PLXNA2: variants seen among roughly 807,000 people sequenced by gnomAD.
PLXNA2 encodes the protein plexin A2, also known as plexin-A2.
A neutral mutation model predicts 193.5 loss-of-function variants in PLXNA2; 91 were observed. That is an observed-to-expected ratio of 0.47 (90% CI 0.40 to 0.56). The LOEUF (loss-of-function observed/expected upper bound fraction) is 0.56, where lower values mean the gene tolerates loss of function less well. PLXNA2 is among the 20% of genes least tolerant of loss of function. The pLI is 0.00. For missense variants in PLXNA2, 1,995 were observed against 2,503.2 expected (o/e 0.80, Z 4.33); for synonymous variants, 997 against 1,027.3 (o/e 0.97, Z 0.56).
Position 208,217,726 on chromosome 1 carries a change from GC to G in PLXNA2, c.196del (p.Ala66ProfsTer8). Reference protein sequence around the residue: ...HQGTGAVYVGAINRVYKLTGN... With the variant: ...HQGTGAVYVGXINRVYKLTGN... ...TGTCAGCTTATAGACCCGGTTGATG[GC>G]CCCCACATAGACGGCCCCCGTCCCT... On this transcript the variant is annotated frameshift_variant, in exon 2 of 32. Coordinates refer to ENST00000367033, the MANE Select transcript of PLXNA2 (RefSeq NM_025179.4). LOFTEE classifies it high-confidence loss of function. This position sits in a 1 kb window ranked among gnomAD's most constrained non-coding sequence, Gnocchi z 4.7. 1 of 1,614,186 alleles carries G rather than the reference GC, an allele frequency of 6.2e-7. No homozygotes were observed. The highest frequency in any genetic ancestry group is 8.5e-7 in the Non-Finnish European group (1 of 1,180,032).
intron 3 of PLXNA2, among the ~76,000 whole-genome samples, chr1:208,143,811 AC>A (rs1668528397): frequency 6.6e-6 from 1 of 152,042 alleles, no homozygotes; most frequent in Non-Finnish European, 1.5e-5. Context: ...TGTATTGACT[AC>A]CTACTCGAAT....
chr1:208,240,196 G>C (rs1354771141), intron 1 of PLXNA2, among the ~76,000 whole-genome samples: 1 of 152,168 alleles, frequency 6.6e-6, no homozygotes, highest in Non-Finnish European at 1.5e-5. Flanking sequence ...CTCTATTTAT[G>C]CCCTCCAATT....
At chr1:208,228,588 T>C (rs769364758) in intron 1 of PLXNA2, among the ~76,000 whole-genome samples, 23 of 152,270 alleles carry the variant, frequency 1.5e-4, no homozygotes, top group Non-Finnish European at 3.2e-4. Context: ...AGTGTGAAAT[T>C]CACCTATGGA....
intron 4 of PLXNA2, among the ~76,000 whole-genome samples, chr1:208,135,497 T>G (rs916383116): frequency 2.0e-5 from 3 of 152,202 alleles, no homozygotes; most frequent in African/African-American, 4.8e-5. Context: ...ACTGATGGAT[T>G]CCTGCAAACC....
At chr1:208,133,987 C>G (rs1668231744) in intron 4 of PLXNA2, among the ~76,000 whole-genome samples, 1 of 152,208 alleles carries the variant, frequency 6.6e-6, no homozygotes, top group African/African-American at 2.4e-5. Flanking sequence ...TCAGCAATAC[C>G]TATCTAGAAA....
In PLXNA2 at chr1:208,216,837, G is replaced by T; in HGVS notation, c.1086C>A (p.Ala362=). 6.2e-7 allele frequency: 1 copy of T among 1,614,218 alleles called. No homozygotes were observed. Among genetic ancestry groups the T allele is most frequent in the Non-Finnish European group, 8.5e-7 (1 of 1,180,038 alleles). ...DSALCAFPIR[A]INLQIKERLQ... The stretch of plus-strand genomic sequence containing the variant: ...GGCGCTCCTTGATCTGCAAGTTGAT[G>T]GCCCGGATAGGGAAGGCACACAGGG... The change falls in exon 2 of 32, where the codon GCC becomes GCA. Residue 362 remains alanine, a synonymous_variant. Transcript: ENST00000367033.
At chr1:208,232,597 G>T (rs981464957) in intron 1 of PLXNA2, among the ~76,000 whole-genome samples, 7 of 152,202 alleles carry the variant, frequency 4.6e-5, no homozygotes, top group Admixed American at 2.0e-4. Context: ...ACTGGAGTGA[G>T]CAGCTGCTTC....
chr1:208,134,064 G>GT (rs1224762534), intron 4 of PLXNA2, among the ~76,000 whole-genome samples: 1 of 152,070 alleles, frequency 6.6e-6, no homozygotes, highest in Non-Finnish European at 1.5e-5. Flanking sequence ...GAGAAATGAG[G>GT]TTTTTGGCAC....
chr1:208,053,861 G>A (rs967934491), intron 14 of PLXNA2, among the ~76,000 whole-genome samples: 4 of 152,198 alleles, frequency 2.6e-5, no homozygotes, highest in Admixed American at 1.3e-4. Context: ...GTTTTCAGGT[G>A]TGACTGTGTG....
At chr1:208,147,979 A>G (rs1668649613) in intron 3 of PLXNA2, among the ~76,000 whole-genome samples, 1 of 152,200 alleles carries the variant, frequency 6.6e-6, no homozygotes, top group Non-Finnish European at 1.5e-5. Context: ...GGAGCGTGTG[A>G]GGTAAAATCC....
chr1:208,189,035 C>G (rs1670094455), intron 3 of PLXNA2, among the ~76,000 whole-genome samples: 1 of 152,160 alleles, frequency 6.6e-6, no homozygotes, highest in Non-Finnish European at 1.5e-5. Flanking sequence ...TCCCTTCTGT[C>G]TCTAACCATT....
At chr1:208,134,011 C>T (rs2102470915) in intron 4 of PLXNA2, among the ~76,000 whole-genome samples, 1 of 152,252 alleles carries the variant, frequency 6.6e-6, no homozygotes, top group East Asian at 1.9e-4. Flanking sequence ...AAATCAAATC[C>T]CTCATCAAGG....
At chr1:208,109,598 T>G (rs1359483419) in intron 4 of PLXNA2, among the ~76,000 whole-genome samples, 1 of 152,180 alleles carries the variant, frequency 6.6e-6, no homozygotes, top group African/African-American at 2.4e-5. Flanking sequence ...TATTGTTATG[T>G]GTTATGATTT....
intron 1 of PLXNA2, among the ~76,000 whole-genome samples, chr1:208,231,470 G>A (rs973121688): frequency 1.3e-5 from 2 of 152,124 alleles, no homozygotes; most frequent in African/African-American, 4.8e-5. Flanking sequence ...GCACACAGAT[G>A]TGCCTGGTCA....
At chr1:208,157,680 G>A (rs1002221943) in intron 3 of PLXNA2, among the ~76,000 whole-genome samples, 2 of 152,206 alleles carry the variant, frequency 1.3e-5, no homozygotes, top group Non-Finnish European at 2.9e-5. Flanking sequence ...CCTGGGAAGA[G>A]TAGCTGTGTA....
chr1:208,054,149 G>A lies in PLXNA2; in HGVS notation c.2856+272C>T, dbSNP rs532190826. ...AGTCTAGGATCCACTTTCTAAGAAA[G>A]GCTGGATTTTGCCTTATTTAGAACT... is the stretch of plus-strand genomic sequence containing the variant. On this transcript the variant is annotated intron_variant, in intron 14 of 31. Transcript: ENST00000367033. 4.6e-5 allele frequency among the ~76,000 whole-genome samples: 7 copies of A among 152,314 alleles called. No individual in the cohort carries two copies. The South Asian group carries it at 1.5e-3, about 32-fold the overall frequency.
At chr1:208,144,311 A>G (rs1668543184) in intron 3 of PLXNA2, among the ~76,000 whole-genome samples, 1 of 151,742 alleles carries the variant, frequency 6.6e-6, no homozygotes, top group African/African-American at 2.4e-5. Context: ...CAACAGCACT[A>G]TTGATTGCAG....
intron 1 of PLXNA2, among the ~76,000 whole-genome samples, chr1:208,243,146 G>A (rs1244512985): frequency 6.6e-6 from 1 of 152,126 alleles, no homozygotes; most frequent in Non-Finnish European, 1.5e-5. Flanking sequence ...TCCAGTCCCC[G>A]ATCGGAAGGG....
At chr1:208,075,174 G>C (rs767348127) in intron 12 of PLXNA2, among the ~76,000 whole-genome samples, 7 of 152,094 alleles carry the variant, frequency 4.6e-5, no homozygotes, top group Non-Finnish European at 8.8e-5. Flanking sequence ...AGCTGGGCGT[G>C]GTGGCACGTG....
Sources: allele counts gnomAD v4.1 joint callset (sites outside exome capture counted in the v4.1 genomes callset), GRCh38; gene constraint gnomAD v4.1.1; non-coding constraint Gnocchi (gnomAD v3.1); transcripts MANE v1.5; gene names NCBI Gene and HGNC (gene_info 2026-07-23, HGNC 2026-07-21).